The following STARD13 variants were observed in gnomAD, a reference collection of about 807,000 sequenced individuals.
STARD13 encodes the protein stAR-related lipid transfer protein 13.
STARD13 carries 62 observed loss-of-function variants against 106.4 expected under a neutral mutation model. The observed-to-expected ratio is 0.58, with a 90% confidence interval of 0.48 to 0.72. The LOEUF (loss-of-function observed/expected upper bound fraction) is 0.72, where lower values mean the gene tolerates loss of function less well. STARD13 is among the 30% of genes least tolerant of loss of function. The pLI is 0.00. For synonymous variants in STARD13, 565 were observed against 553.0 expected, an observed-to-expected ratio of 1.02 and a Z score of -0.31; for missense variants, 1,387 against 1,424.0, an observed-to-expected ratio of 0.97 and a Z score of 0.42.
intron 4 of STARD13, among the ~76,000 whole-genome samples, chr13:33,140,340 G>A (rs1879651722): frequency 6.6e-6 from 1 of 152,220 alleles, no homozygotes; most frequent in Admixed American, 6.5e-5. Flanking sequence ...CACAGGCATG[G>A]CTGTGTTCAG....
At chr13:33,162,271 A>T (rs1882721798) in intron 3 of STARD13, among the ~76,000 whole-genome samples, 1 of 152,146 alleles carries the variant, frequency 6.6e-6, no homozygotes, top group African/African-American at 2.4e-5. Flanking sequence ...ACAGATAAGG[A>T]CCCTGGGCCT....
chr13:33,351,718 A>G (rs926671596), upstream of STARD13, among the ~76,000 whole-genome samples: 2 of 152,214 alleles, frequency 1.3e-5, no homozygotes, highest in African/African-American at 4.8e-5. Context: ...TTCTTTTTAA[A>G]TGTCTTTGTA....
chr13:33,452,601 T>A, the STARD13 span, among the ~76,000 whole-genome samples: 14 of 152,348 alleles, frequency 9.2e-5, no homozygotes, highest in African/African-American at 2.6e-4. Context: ...TTCATTGGGT[T>A]TGAGTCTTGA....
the STARD13 span, among the ~76,000 whole-genome samples, chr13:33,544,201 A>G: frequency 6.6e-6 from 1 of 152,186 alleles, no homozygotes; most frequent in Non-Finnish European, 1.5e-5. Flanking sequence ...GGTTTTTTTC[A>G]GTCTTTTGCA....
chr13:33,108,144 G>A (rs565485335), intron 12 of STARD13, among the ~76,000 whole-genome samples: 7 of 152,274 alleles, frequency 4.6e-5, no homozygotes, highest in South Asian at 2.1e-4. Flanking sequence ...GGAAGCTCCC[G>A]AGGAGCTAGC....
downstream of STARD13, among the ~76,000 whole-genome samples, chr13:33,346,149 C>T (rs2138610699): frequency 6.6e-6 from 1 of 152,332 alleles, no homozygotes; most frequent in South Asian, 2.1e-4. Flanking sequence ...ATTGAAGCTG[C>T]CAGCCAACAG....
chr13:33,181,871 A>G (rs1885271291), intron 1 of STARD13, among the ~76,000 whole-genome samples: 1 of 152,152 alleles, frequency 6.6e-6, no homozygotes, highest in South Asian at 2.1e-4. Context: ...TGCGCACAGT[A>G]ATGAGAGATT....
chr13:33,369,907 T>A, the STARD13 span, among the ~76,000 whole-genome samples: 15 of 152,198 alleles, frequency 9.9e-5, no homozygotes, highest in Non-Finnish European at 1.8e-4. Context: ...TTTCTCCAGA[T>A]GTTTCTAGTG....
At chr13:33,181,898 G>A (rs560326947) in intron 1 of STARD13, among the ~76,000 whole-genome samples, 68 of 141,374 alleles carry the variant, frequency 4.8e-4, no homozygotes, top group African/African-American at 1.8e-3. Context: ...TGGAAGAAGA[G>A]TAGTGAGAAA....
chr13:33,143,812 A>G (rs1018930618), intron 3 of STARD13, among the ~76,000 whole-genome samples: 3 of 151,658 alleles, frequency 2.0e-5, no homozygotes, highest in African/African-American at 7.3e-5. Flanking sequence ...CAGCCTCCCA[A>G]AGTGCTGGGA....
chr13:33,616,011 T>G, the STARD13 span, among the ~76,000 whole-genome samples: 1 of 152,198 alleles, frequency 6.6e-6, no homozygotes, highest in East Asian at 1.9e-4. Flanking sequence ...TTTGTATTAT[T>G]TATTTTGTGT....
chr13:33,409,367 T>C, the STARD13 span, among the ~76,000 whole-genome samples: 1 of 152,200 alleles, frequency 6.6e-6, no homozygotes, highest in African/African-American at 2.4e-5. Context: ...TTACTCAAGG[T>C]CACCCAGGTG....
chr13:33,662,438 C>A, the STARD13 span, among the ~76,000 whole-genome samples: 1 of 152,044 alleles, frequency 6.6e-6, no homozygotes, highest in Non-Finnish European at 1.5e-5. Context: ...AATGGAAAGG[C>A]CACCGGAATG....
At chr13:33,654,165 A>C in the STARD13 span, among the ~76,000 whole-genome samples, 3 of 152,232 alleles carry the variant, frequency 2.0e-5, no homozygotes, top group Non-Finnish European at 2.9e-5. Context: ...TTCCATTCCT[A>C]AGTATGTACA....
At chr13:33,442,356 T>G in the STARD13 span, among the ~76,000 whole-genome samples, 2 of 152,128 alleles carry the variant, frequency 1.3e-5, no homozygotes, top group Admixed American at 1.3e-4. Flanking sequence ...ACATTAATAA[T>G]AATAATAATA....
the STARD13 span, among the ~76,000 whole-genome samples, chr13:33,626,676 C>A: frequency 6.6e-6 from 1 of 152,196 alleles, no homozygotes; most frequent in African/African-American, 2.4e-5. Flanking sequence ...GGAAGCCAAC[C>A]TAAGAAACAT....
chr13:33,176,484 T>C (rs950991776), intron 1 of STARD13, among the ~76,000 whole-genome samples: 3 of 152,172 alleles, frequency 2.0e-5, no homozygotes, highest in African/African-American at 7.2e-5. Context: ...CAGCTATCGA[T>C]AGATTCATTT....
At chr13:33,117,165 G>A (rs1875504350) in intron 8 of STARD13, among the ~76,000 whole-genome samples, 1 of 152,184 alleles carries the variant, frequency 6.6e-6, no homozygotes, top group African/African-American at 2.4e-5. Context: ...CCGGAGTGCA[G>A]TGGTGCAATC....
the STARD13 span, among the ~76,000 whole-genome samples, chr13:33,546,756 G>A: frequency 6.6e-6 from 1 of 151,914 alleles, no homozygotes; most frequent in East Asian, 1.9e-4. Context: ...TGATTCTCCT[G>A]CCTCAGCTTC....
Sources: allele counts gnomAD v4.1 joint callset (sites outside exome capture counted in the v4.1 genomes callset), GRCh38; gene constraint gnomAD v4.1.1; transcripts MANE v1.5; gene names NCBI Gene and HGNC (gene_info 2026-07-23, HGNC 2026-07-21).